Variants in ADGRE3 observed in about 807,000 individuals in gnomAD.
ADGRE3 encodes the protein adhesion G protein-coupled receptor E3.
A neutral mutation model predicts 80.1 loss-of-function variants in ADGRE3; 88 were observed. The observed-to-expected ratio is 1.10, with a 90% CI of 0.93 to 1.31. ADGRE3 has a LOEUF of 1.31. ADGRE3 is among the 40% of genes most tolerant of loss of function. ADGRE3 has a pLI of 0.00. For missense variants in ADGRE3, 715 were observed against 776.5 expected (o/e 0.92, Z 0.94); for synonymous variants, 281 against 294.8 (o/e 0.95, Z 0.48).
At position 14,641,541 on chromosome 19, in the gene ADGRE3, G is replaced by A. The variant is rs1376598709; in HGVS notation, c.1126C>T (p.Leu376Phe). 4 of 1,613,772 alleles carry A rather than the reference G, an allele frequency of 2.5e-6. No homozygotes were observed. In the Admixed American group the frequency reaches 6.7e-5, roughly 27 times the overall value. ...VSLLCLLLAA[L>F]TFLLCKAIRN... is the part of the protein sequence containing the mutation. ...ATGGCTTTACACAGGAGAAAAGTGA[G>A]GGCCGCCAGGAGGAGGCACAGCAGA... Residue 376 changes from leucine (L) to phenylalanine (F), a missense_variant, in exon 10 of 16, where the codon CTC becomes TTC. Physicochemically the swap from Leu to Phe is conservative, Grantham distance 22. Transcript: ENST00000253673.
downstream of ADGRE3, among the ~76,000 whole-genome samples, chr19:14,614,974 C>T (rs527993998): frequency 1.3e-5 from 2 of 151,678 alleles, no homozygotes; most frequent in Non-Finnish European, 2.9e-5. Context: ...TGGCCTCAAC[C>T]TCCTGGGCTC....
chr19:14,647,406 CTTTCTT>C lies in ADGRE3; in HGVS notation c.698-47_698-42del, dbSNP rs1971441913. 7.8e-5 allele frequency: 93 copies of C among 1,193,006 alleles called. No individual in the cohort carries two copies. The African/African-American group carries it at 1.1e-3, about 14-fold the overall frequency. The allele number at this position is 1,193,006 out of a possible 1,614,324, so 73.9% of individuals were successfully genotyped here. A position where few individuals can be genotyped will look rare whatever the true frequency, so the allele number is the denominator to read the frequency against. On this transcript the variant is annotated intron_variant, in intron 7 of 15. Coordinates refer to ENST00000253673, the MANE Select transcript of ADGRE3 (RefSeq NM_032571.5). ...GATGGAATCTTTTTTCTTTTCTTTT[CTTTCTT>C]TTTTTTTTTTTTTTTTTGAGACGGA...
chr19:14,662,903 C>CA (rs1209543540), intron 3 of ADGRE3, among the ~76,000 whole-genome samples: 1,536 of 92,382 alleles, frequency 0.017, 36 homozygotes, highest in African/African-American at 0.053. Context: ...TCCATCTCTA[C>CA]AAAAAAAAAA....
intron 14 of ADGRE3, among the ~76,000 whole-genome samples, chr19:14,626,877 C>T (rs1372954296): frequency 1.3e-5 from 2 of 152,172 alleles, no homozygotes; most frequent in African/African-American, 4.8e-5. Context: ...TGGCCGGTCT[C>T]AAGGGCCATT....
intron 5 of ADGRE3, among the ~76,000 whole-genome samples, chr19:14,656,891 T>C (rs952746298): frequency 1.3e-5 from 2 of 152,084 alleles, no homozygotes; most frequent in African/African-American, 4.8e-5. Flanking sequence ...CCTATATCAT[T>C]GTGTATTTAT....
At chr19:14,607,985 C>G in the ADGRE3 span, among the ~76,000 whole-genome samples, 1 of 152,122 alleles carries the variant, frequency 6.6e-6, no homozygotes, top group Non-Finnish European at 1.5e-5. Flanking sequence ...ATCCTCCTGC[C>G]TCAGCCTCCC....
rs573657704 is a variant in ADGRE3, at chr19:14,657,840, C to T, written c.393+673G>A. Among the ~76,000 whole-genome samples the T allele has an allele frequency of 6.5e-4, 98 of 151,796 alleles. 1 individual carries two copies. Among genetic ancestry groups the T allele is most frequent in the South Asian group, 1.0e-3 (5 of 4,816 alleles). ...GTGCAGTGGCAACATCTCCACTCACCGCAACCTCCGCCTCCTGGATTCAAG... is the reference window on the plus strand; with the variant it reads ...GTGCAGTGGCAACATCTCCACTCACTGCAACCTCCGCCTCCTGGATTCAAG... On this transcript the variant is annotated intron_variant, in intron 5 of 15. Transcript: ENST00000253673.
intron 8 of ADGRE3, 138 bp downstream of exon 8, chr19:14,647,043 C>G (rs970504533): frequency 6.2e-6 from 4 of 641,822 alleles, no homozygotes; most frequent in Non-Finnish European, 1.1e-5. Context: ...AGCTACATTT[C>G]AAATGCTCAA....
chr19:14,644,352 G>A, intron 8 of ADGRE3, 77 bp from the exon 9 acceptor site: 1 of 1,155,710 alleles, frequency 8.7e-7, no homozygotes, highest in East Asian at 2.8e-5. Context: ...ACAAAATCTT[G>A]CTTTGTTACT....
the ADGRE3 span, among the ~76,000 whole-genome samples, chr19:14,601,721 C>G: frequency 2.0e-5 from 3 of 152,126 alleles, no homozygotes; most frequent in Admixed American, 2.0e-4. Flanking sequence ...TAGGCTCAAG[C>G]AATTCTTTCG....
rs2146867885 is a variant in ADGRE3 at position 14,651,076 on chromosome 19, C to G, written c.697+9G>C. 6.2e-7 allele frequency: 1 copy of G among 1,613,920 alleles called. No individual in the cohort carries two copies. The highest frequency in any genetic ancestry group is 2.2e-5 in the East Asian group (1 of 44,872). On this transcript the variant is annotated intron_variant, in intron 7 of 15. Coordinates refer to ENST00000253673, the MANE Select transcript of ADGRE3 (RefSeq NM_032571.5). ...TGTGAAGGATTCTGAATGCAGCCATCAGGCATACCTTGTGTGTCTCCCTGG... is the reference window on the plus strand; with the variant it reads ...TGTGAAGGATTCTGAATGCAGCCATGAGGCATACCTTGTGTGTCTCCCTGG...
Position 14,654,976 on chromosome 19 carries a change from T to C in ADGRE3, c.577+6A>G. 6.2e-7 allele frequency: 1 copy of C among 1,613,038 alleles called. No homozygotes were observed. The highest frequency in any genetic ancestry group is 1.1e-5 in the South Asian group (1 of 90,994). On this transcript the variant is annotated splice_donor_region_variant and intron_variant, in intron 6 of 15. Transcript: ENST00000253673. The stretch of plus-strand genomic sequence containing the variant: ...CAGGGTGTATCAGTCCTCATTATTG[T>C]CTTACCTACACTATCGTTTTGGATT...
At chr19:14,603,134 C>T in the ADGRE3 span, among the ~76,000 whole-genome samples, 1 of 152,180 alleles carries the variant, frequency 6.6e-6, no homozygotes, top group African/African-American at 2.4e-5. Context: ...ACTACATTTC[C>T]TTTAAATTAC....
At chr19:14,660,877 C>G (rs1181357509) in intron 4 of ADGRE3, among the ~76,000 whole-genome samples, 1 of 145,552 alleles carries the variant, frequency 6.9e-6, no homozygotes, top group Non-Finnish European at 1.5e-5. Context: ...ACTGATCTCT[C>G]TTTGGTTGGT....
intron 9 of ADGRE3, among the ~76,000 whole-genome samples, chr19:14,643,144 GT>G (rs373306807): frequency 0.069 from 8,554 of 123,694 alleles, 233 homozygotes; most frequent in East Asian, 0.099. Context: ...AGTAATCATG[GT>G]TTTTTTTTTT....
intron 13 of ADGRE3, 128 bp from the exon 14 acceptor site, chr19:14,630,335 G>C (rs997670428): frequency 1.7e-5 from 10 of 602,520 alleles, no homozygotes; most frequent in Middle Eastern, 4.9e-4. Flanking sequence ...AGCCAGCACT[G>C]GCTACCTGTG....
At chr19:14,600,684 C>G in the ADGRE3 span, among the ~76,000 whole-genome samples, 3 of 151,086 alleles carry the variant, frequency 2.0e-5, no homozygotes, top group Non-Finnish European at 4.4e-5. Context: ...CGGGTTCACG[C>G]CATTCTCCTG....
intron 6 of ADGRE3, among the ~76,000 whole-genome samples, chr19:14,653,945 GTT>G (rs1388784134): frequency 9.6e-5 from 5 of 52,086 alleles, no homozygotes; most frequent in Admixed American, 5.7e-4. Flanking sequence ...CTGTGTGTGT[GTT>G]TTTTTTTTTT....
At chr19:14,660,168 C>G (rs1242467437) in intron 4 of ADGRE3, among the ~76,000 whole-genome samples, 1 of 152,114 alleles carries the variant, frequency 6.6e-6, no homozygotes, top group Non-Finnish European at 1.5e-5. Context: ...CAAATGGGCT[C>G]AGTCTTTATA....
Sources: allele counts gnomAD v4.1 joint callset (sites outside exome capture counted in the v4.1 genomes callset), GRCh38; gene constraint gnomAD v4.1.1; transcripts MANE v1.5; gene names NCBI Gene and HGNC (gene_info 2026-07-23, HGNC 2026-07-21).